The following GSAP variants were observed in gnomAD, a reference collection of about 807,000 sequenced individuals.
GSAP encodes the protein gamma-secretase-activating protein.
A neutral mutation model predicts 131.7 loss-of-function variants in GSAP; 118 were observed. The observed-to-expected ratio is 0.90, with a 90% CI of 0.77 to 1.04. The LOEUF is 1.04. Ranked by LOEUF, GSAP falls within the 50% of genes least tolerant of loss-of-function variation. The pLI, the probability that GSAP is intolerant of heterozygous loss-of-function variation, is 0.00. For missense variants in GSAP, 1,019 were observed against 1,013.2 expected (o/e 1.01, Z -0.08); for synonymous variants, 381 against 363.4 (o/e 1.05, Z -0.55).
intron 19 of GSAP, among the ~76,000 whole-genome samples, chr7:77,343,891 C>G (rs1459159959): frequency 6.6e-6 from 1 of 152,208 alleles, no homozygotes; most frequent in African/African-American, 2.4e-5. Context: ...AATCTATCCT[C>G]AAGGAAATCA....
chr7:77,312,195 C>A lies in GSAP; in HGVS notation c.2279G>T (p.Gly760Val). 1 of 1,577,820 alleles carries A rather than the reference C, an allele frequency of 6.3e-7. No individual in the cohort carries two copies. The highest frequency in any genetic ancestry group is 8.6e-7 in the Non-Finnish European group (1 of 1,161,452). Residue 760 changes from glycine (G) to valine (V), a missense_variant, in exon 29 of 31, where the codon GGG (glycine) becomes GTG (valine). Transcript: ENST00000257626. The part of the protein sequence containing the change: ...SIIVRLPPLI[G>V]QKICRLWDHP... ...ATCCCAAAGTCTACAAATCTTCTGC[C>A]CAATAAGCTATTATGCAAATTGAAA...
chr7:77,408,627 GGAGGTGGAGGTTGCAAT>G (rs1004109933), intron 1 of GSAP, among the ~76,000 whole-genome samples: 6 of 146,660 alleles, frequency 4.1e-5, no homozygotes, highest in African/African-American at 1.5e-4. Flanking sequence ...CTTGAACCCA[GGAGGTGGAGGTTGCAAT>G]GAGCCGGGAT....
chr7:77,380,865 C>T (rs1388326831), intron 8 of GSAP, among the ~76,000 whole-genome samples: 1 of 152,034 alleles, frequency 6.6e-6, no homozygotes, highest in East Asian at 1.9e-4. Flanking sequence ...GAGTAAATAA[C>T]CAATTAGTTA....
At position 77,351,013 on chromosome 7, in the gene GSAP, T is replaced by C. The variant is rs1011776779; in HGVS notation, c.1492-1609A>G. On this transcript the variant is annotated intron_variant, in intron 18 of 30. Coordinates refer to ENST00000257626, the MANE Select transcript of GSAP (RefSeq NM_017439.4). ...TAGATAAGTATATAAGAAAATATTT[T>C]AGGAGATGTAATGTAGAAATAAAAA... 9.5e-6 allele frequency: 5 copies of C among 525,570 alleles called. No homozygotes were observed. The East Asian group carries it at 4.4e-4, about 46-fold the overall frequency. The allele number at this position is 525,570 out of a possible 1,614,324, so 32.6% of individuals were successfully genotyped here. A position where few individuals can be genotyped will look rare whatever the true frequency, so the allele number is the denominator to read the frequency against.
At chr7:77,354,874 C>A (rs1793423130) in intron 16 of GSAP, among the ~76,000 whole-genome samples, 1 of 151,986 alleles carries the variant, frequency 6.6e-6, no homozygotes, top group African/African-American at 2.4e-5. Context: ...AGATTTTAGT[C>A]CTTTTGATAA....
Position 77,397,331 on chromosome 7 carries a change from A to G in GSAP, c.313+15T>C, listed in dbSNP as rs1481091429. 2.0e-6 allele frequency: 3 copies of G among 1,531,072 alleles called. No individual in the cohort carries two copies. Among genetic ancestry groups the G allele is most frequent in the African/African-American group, 2.8e-5 (2 of 72,542 alleles). The allele number at this position is 1,531,072 out of a possible 1,614,324, so 94.8% of individuals were successfully genotyped here. On this transcript the variant is annotated intron_variant, in intron 4 of 30. Coordinates refer to ENST00000257626, the MANE Select transcript of GSAP (RefSeq NM_017439.4). ...AGTTCAGTTCTTGACATGTAGCAAT[A>G]AGAGCTCAACTTACCAAGCAAAGTC...
intron 19 of GSAP, among the ~76,000 whole-genome samples, chr7:77,333,081 C>T (rs569096145): frequency 6.6e-6 from 1 of 152,194 alleles, no homozygotes; most frequent in Non-Finnish European, 1.5e-5. Flanking sequence ...GCAGGAGAAA[C>T]ACTTGAACCC....
At chr7:77,385,605 T>C (rs561729104) in intron 6 of GSAP, among the ~76,000 whole-genome samples, 3 of 152,206 alleles carry the variant, frequency 2.0e-5, no homozygotes, top group Middle Eastern at 3.4e-3. Flanking sequence ...CCTCCCCACA[T>C]TGATGACAGT....
Position 77,355,253 on chromosome 7 carries a change from G to A in GSAP, c.1298C>T (p.Ala433Val), listed in dbSNP as rs765376950. The A allele has an allele frequency of 4.7e-5, 76 of 1,613,842 alleles. No individual in the cohort carries two copies. The East Asian group carries it at 1.0e-3, about 22-fold the overall frequency. ...CTGCGCACCTTGACCGCAGTAGAGC[G>A]CGCAGTGCAACGCAGCCATCTTCTC... is the stretch of plus-strand genomic sequence containing the variant. ...DCEKMAALHC[A>V]LYCGQGAQFL... is the part of the protein sequence containing the mutation. The change falls in exon 16 of 31, where the codon GCG (alanine) becomes GTG (valine). Residue 433 changes from alanine (A) to valine (V), a missense_variant. Ala to Val is a moderately conservative substitution (Grantham distance 64). Coordinates refer to ENST00000257626, the MANE Select transcript of GSAP (RefSeq NM_017439.4).
chr7:77,340,723 C>T (rs1790787867), intron 19 of GSAP, among the ~76,000 whole-genome samples: 2 of 152,178 alleles, frequency 1.3e-5, no homozygotes, highest in South Asian at 2.1e-4. Context: ...GATTATTCAC[C>T]CACACTCCAT....
chr7:77,410,917 A>G (rs1803144551), intron 1 of GSAP, among the ~76,000 whole-genome samples: 1 of 152,128 alleles, frequency 6.6e-6, no homozygotes, highest in African/African-American at 2.4e-5. Flanking sequence ...ATTCATATAA[A>G]TCCTCAGGCT....
intron 18 of GSAP, chr7:77,351,363 A>G (rs548433192): frequency 4.2e-6 from 4 of 956,940 alleles, no homozygotes; most frequent in East Asian, 1.1e-4. Flanking sequence ...AATCCAAGTC[A>G]GTTGTCTCCT....
At chr7:77,314,646 T>A in intron 26 of GSAP, 157 bp from the exon 27 acceptor site, 1 of 691,250 alleles carries the variant, frequency 1.4e-6, no homozygotes, top group Non-Finnish European at 2.4e-6. Context: ...TCCTTCTCTG[T>A]ATTATTCGTA....
At chr7:77,381,670 T>C (rs1040231905) in intron 7 of GSAP, among the ~76,000 whole-genome samples, 1 of 152,164 alleles carries the variant, frequency 6.6e-6, no homozygotes, top group African/African-American at 2.4e-5. Context: ...CCCTATACCA[T>C]CAGCGTTATA....
At chr7:77,413,215 C>T (rs1196466285) in intron 1 of GSAP, among the ~76,000 whole-genome samples, 1 of 152,190 alleles carries the variant, frequency 6.6e-6, no homozygotes, top group African/African-American at 2.4e-5. Flanking sequence ...GCAACGCAGG[C>T]CCAATATCCT....
intron 12 of GSAP, among the ~76,000 whole-genome samples, chr7:77,366,356 TTA>T (rs1398613638): frequency 6.6e-6 from 1 of 152,236 alleles, no homozygotes; most frequent in Non-Finnish European, 1.5e-5. Context: ...TTCAGAATTT[TTA>T]TAAATTTTGG....
At chr7:77,389,890 A>G (rs1799198810) in intron 5 of GSAP, among the ~76,000 whole-genome samples, 1 of 151,884 alleles carries the variant, frequency 6.6e-6, no homozygotes. Flanking sequence ...ACTAGTTTAC[A>G]GTCCCACCAA....
At chr7:77,344,345 CT>C (rs1407933403) in intron 19 of GSAP, among the ~76,000 whole-genome samples, 2 of 152,154 alleles carry the variant, frequency 1.3e-5, no homozygotes, top group East Asian at 3.8e-4. Context: ...CAGCCTCCAA[CT>C]TAAAAAGGAC....
chr7:77,343,185 C>CT (rs139381580), intron 19 of GSAP, among the ~76,000 whole-genome samples: 25,941 of 152,160 alleles, frequency 0.17, 2,965 homozygotes, highest in East Asian at 0.44. Flanking sequence ...GCAGCTGCCG[C>CT]GCTTTAATAC....
Sources: gnomAD v4.1 joint callset for allele counts (sites outside exome capture counted in the v4.1 genomes callset) on GRCh38, gnomAD v4.1.1 for gene constraint, MANE v1.5 for transcripts, NCBI Gene and HGNC (gene_info 2026-07-23, HGNC 2026-07-21) for gene names.